Variants in ERAP1 observed in about 807,000 individuals in gnomAD.
ERAP1 encodes the protein endoplasmic reticulum aminopeptidase 1.
In ERAP1, 86 loss-of-function variants were observed where a neutral mutation model predicts 103.7. The ratio of observed to expected loss-of-function variants is 0.83; its 90% confidence interval spans 0.70 to 0.99. ERAP1 has a LOEUF of 0.99. ERAP1 is among the 50% of genes least tolerant of loss of function. The pLI, the probability that ERAP1 is intolerant of heterozygous loss-of-function variation, is 0.00. For synonymous variants in ERAP1, 398 were observed against 402.4 expected, an observed-to-expected ratio of 0.99 and a Z score of 0.13; for missense variants, 1,009 against 1,128.4, an observed-to-expected ratio of 0.89 and a Z score of 1.52.
At position 96,791,162 on chromosome 5, in the gene ERAP1, G is replaced by C. The variant is rs189061326; in HGVS notation, c.1321-519C>G. Among the ~76,000 whole-genome samples the C allele has an allele frequency of 2.0e-3, 303 of 152,260 alleles. 5 individuals carry two copies. Among genetic ancestry groups the C allele is most frequent in the East Asian group, 3.9e-4 (2 of 5,188 alleles). ...ATGGAGCTGGAGTCACAATGAGAAA[G>C]GGAACAAGAGTCTTCCCAGACACCC... is the stretch of plus-strand genomic sequence containing the variant. On this transcript the variant is annotated intron_variant, in intron 8 of 18. Transcript: ENST00000443439.
At position 96,785,925 on chromosome 5, in the gene ERAP1, C is replaced by T; in HGVS notation, c.1806G>A (p.Val602=). The T allele has an allele frequency of 6.2e-7, 1 of 1,614,156 alleles. No individual in the cohort carries two copies. Among genetic ancestry groups the T allele is most frequent in the Non-Finnish European group, 8.5e-7 (1 of 1,180,010 alleles). The part of the protein sequence containing the change: ...PEEVEWIKFN[V]GMNGYYIVHY... Reference sequence around the variant, plus strand: ...GCACAATGTAATAGCCATTCATGCCCACATTAAATTTGATCCATTCCACCT... The same window carrying T: ...GCACAATGTAATAGCCATTCATGCCTACATTAAATTTGATCCATTCCACCT... The change falls in exon 13 of 19, where the codon GTG becomes GTA. Residue 602 remains valine (V), a synonymous_variant. Coordinates refer to ENST00000443439, the MANE Select transcript of ERAP1 (RefSeq NM_001040458.3).
At chr5:96,933,658 CAGGTGAAGTG>C in the ERAP1 span, among the ~76,000 whole-genome samples, 1 of 152,080 alleles carries the variant, frequency 6.6e-6, no homozygotes, top group Non-Finnish European at 1.5e-5. Context: ...CTGTAGGTTA[CAGGTGAAGTG>C]AGGTGAGGTG....
At chr5:96,929,474 T>A in the ERAP1 span, among the ~76,000 whole-genome samples, 1 of 151,918 alleles carries the variant, frequency 6.6e-6, no homozygotes, top group Non-Finnish European at 1.5e-5. Context: ...CTTCCTTTTT[T>A]TTCTTCCTTC....
At position 96,762,338 on chromosome 5, in the gene ERAP1, C is replaced by T. The variant is rs201451322; in HGVS notation, c.*862G>A. 83 of 1,606,320 alleles carry T rather than the reference C, an allele frequency of 5.2e-5. No individual in the cohort carries two copies. The highest frequency in any genetic ancestry group is 6.2e-5 in the Non-Finnish European group (73 of 1,177,274). On this transcript the variant is annotated 3_prime_UTR_variant, in exon 20 of 20. Coordinates refer to the ERAP1 transcript ENST00000296754. The stretch of plus-strand genomic sequence containing the variant: ...GTGGTTTCCCAAACCCCAGCTTCAA[C>T]GACCCAAGCTGGAGCCCCACCCCGT...
chr5:96,873,749 G>A, the ERAP1 span: 1 of 319,724 alleles, frequency 3.1e-6, no homozygotes, highest in Non-Finnish European at 6.3e-6. Context: ...CATTTGTTGA[G>A]GGTCTCTTAT....
intron 19 of ERAP1, chr5:96,766,275 T>C (rs528135063): frequency 1.0e-5 from 6 of 588,378 alleles, no homozygotes; most frequent in Admixed American, 6.3e-5. Flanking sequence ...CTGCTTCTAA[T>C]GTGTCACCAA....
At chr5:96,904,590 A>G in the ERAP1 span, among the ~76,000 whole-genome samples, 2 of 152,224 alleles carry the variant, frequency 1.3e-5, no homozygotes, top group South Asian at 2.1e-4. Flanking sequence ...CATCCTACAT[A>G]TGAGTGAATG....
At chr5:96,789,444 G>A (rs555810460) in intron 10 of ERAP1, among the ~76,000 whole-genome samples, 3 of 151,742 alleles carry the variant, frequency 2.0e-5, no homozygotes, top group African/African-American at 7.3e-5. Flanking sequence ...CCGAGATCAC[G>A]CCACTGCACT....
At chr5:96,771,582 G>T (rs1000562933), downstream of ERAP1, 3 of 1,228,106 alleles carry the variant, frequency 2.4e-6, no homozygotes, top group Admixed American at 1.9e-5. Flanking sequence ...TTCTGAGAAG[G>T]CCATCTCCTC....
intron 7 of ERAP1, 27 bp from the exon 8 acceptor site, chr5:96,792,219 C>T: frequency 1.2e-6 from 2 of 1,608,008 alleles, no homozygotes; most frequent in South Asian, 1.1e-5. Flanking sequence ...AAGAAAACAT[C>T]ACCTATGATT....
In ERAP1 at chr5:96,775,836, C is replaced by A; in HGVS notation, c.*560G>T. 2.1e-6 allele frequency: 1 copy of A among 479,950 alleles called. No individual in the cohort carries two copies. The highest frequency in any genetic ancestry group is 2.7e-6 in the Non-Finnish European group (1 of 367,028). 29.7% of individuals were successfully genotyped at this position (479,950 alleles called of 1,614,324 possible). On this transcript the variant is annotated 3_prime_UTR_variant, in exon 19 of 19. Coordinates refer to ENST00000443439, the MANE Select transcript of ERAP1 (RefSeq NM_001040458.3). ...CTCCTCCGACCCCAGCTCCAGCTCTCCGGCTCCCCACTGACCAACATCCAA... is the reference window on the plus strand; with the variant it reads ...CTCCTCCGACCCCAGCTCCAGCTCTACGGCTCCCCACTGACCAACATCCAA...
chr5:96,874,626 T>G, the ERAP1 span, among the ~76,000 whole-genome samples: 2 of 152,256 alleles, frequency 1.3e-5, no homozygotes, highest in Non-Finnish European at 2.9e-5. Context: ...AGGGACCCCA[T>G]TCAGTCTTAT....
Position 96,785,912 on chromosome 5 carries a change from A to G in ERAP1, c.1819T>C (p.Tyr607His), listed in dbSNP as rs1220017370. ...WIKFNVGMNG[Y>H]YIVHYEDDGW... is the part of the protein sequence containing the mutation. ...TCATCCTCGTAATGCACAATGTAAT[A>G]GCCATTCATGCCCACATTAAATTTG... The change falls in exon 13 of 19, where the codon TAT becomes CAT. Residue 607 changes from tyrosine (Y) to histidine (H), a missense_variant. Physicochemically the swap from Tyr to His is moderately conservative, Grantham distance 83 (BLOSUM62 2). Around this residue, in one of 3 missense-constraint regions of ERAP1, gnomAD observed 611 missense variants for 651.7 expected, o/e 0.94. Coordinates refer to ENST00000443439, the MANE Select transcript of ERAP1 (RefSeq NM_001040458.3). 6.2e-7 allele frequency: 1 copy of G among 1,614,050 alleles called. No individual in the cohort carries two copies. Among genetic ancestry groups the G allele is most frequent in the East Asian group, 2.2e-5 (1 of 44,894 alleles).
At chr5:96,926,912 G>C in the ERAP1 span, among the ~76,000 whole-genome samples, 1 of 152,098 alleles carries the variant, frequency 6.6e-6, no homozygotes, top group African/African-American at 2.4e-5. Flanking sequence ...GATCTCCCAG[G>C]CTCAAGCGAA....
At chr5:96,854,275 G>T in the ERAP1 span, among the ~76,000 whole-genome samples, 1 of 152,140 alleles carries the variant, frequency 6.6e-6, no homozygotes, top group Non-Finnish European at 1.5e-5. Flanking sequence ...GTCATTATGA[G>T]ACTGCAGTCA....
the ERAP1 span, among the ~76,000 whole-genome samples, chr5:96,844,882 T>C: frequency 3.3e-5 from 5 of 152,278 alleles, no homozygotes; most frequent in Middle Eastern, 3.4e-3. Flanking sequence ...GTGCTCATCA[T>C]CTTAGATTCT....
At chr5:96,800,138 T>C (rs1318678190) in intron 3 of ERAP1, among the ~76,000 whole-genome samples, 1 of 152,198 alleles carries the variant, frequency 6.6e-6, no homozygotes, top group African/African-American at 2.4e-5. Flanking sequence ...GGAGGTGTTA[T>C]ATACCAGCTG....
chr5:96,838,224 A>G, the ERAP1 span, among the ~76,000 whole-genome samples: 4 of 152,260 alleles, frequency 2.6e-5, no homozygotes, highest in Middle Eastern at 3.4e-3. Context: ...ATCATTAATA[A>G]TATCTCCAAA....
At chr5:96,909,481 A>G in the ERAP1 span, 1 of 892,528 alleles carries the variant, frequency 1.1e-6, no homozygotes, top group Non-Finnish European at 1.8e-6. Context: ...AAAGATTGGG[A>G]AAGATGCAGA....
Sources: allele counts gnomAD v4.1 joint callset (sites outside exome capture counted in the v4.1 genomes callset), GRCh38; gene constraint gnomAD v4.1.1; regional missense constraint gnomAD v4.1.1; transcripts MANE v1.5; gene names NCBI Gene and HGNC (gene_info 2026-07-23, HGNC 2026-07-21).